The following SLC44A1 variants were observed in gnomAD, a reference collection of about 807,000 sequenced individuals.
The protein encoded by SLC44A1 is solute carrier family 44 member 1.
Under a neutral mutation model 79.3 loss-of-function variants are expected in SLC44A1, and 26 were observed. The ratio of observed to expected loss-of-function variants is 0.33; its 90% CI spans 0.24 to 0.46. The LOEUF (loss-of-function observed/expected upper bound fraction) is 0.46. Among genes scored for constraint, SLC44A1 ranks in the 20% least tolerant of loss-of-function variants. The pLI is 1.00. For missense variants in SLC44A1, 688 were observed against 798.1 expected (o/e 0.86, Z 1.66); for synonymous variants, 263 against 286.2 (o/e 0.92, Z 0.82).
chr9:105,392,235 T>C lies in SLC44A1; in HGVS notation c.*3179T>C. ...ATGTTTAGGATTAAAGTTTTTATTT[T>C]ATCCTATAAGATAATTAAGTCCTAA... On this transcript the variant is annotated 3_prime_UTR_variant, in exon 16 of 16. Transcript: ENST00000374720. The C allele has an allele frequency of 3.0e-6, 3 of 983,818 alleles. No homozygotes were observed. In the South Asian group the frequency reaches 1.4e-4, roughly 46 times the overall value. 60.9% of individuals were successfully genotyped at this position (983,818 alleles called of 1,614,324 possible).
chr9:105,432,121 C>T (rs1194207010), intron 15 of SLC44A1, among the ~76,000 whole-genome samples: 3 of 152,162 alleles, frequency 2.0e-5, no homozygotes, highest in African/African-American at 7.2e-5. Context: ...GGAGTTTCAC[C>T]ATTTTGGCCA....
At chr9:105,376,172 T>C (rs1828276361) in intron 13 of SLC44A1, among the ~76,000 whole-genome samples, 1 of 152,156 alleles carries the variant, frequency 6.6e-6, no homozygotes, top group African/African-American at 2.4e-5. Context: ...ATATATAGCA[T>C]TGTGTGTGAT....
chr9:105,398,189 C>T (rs1329917999), downstream of SLC44A1, among the ~76,000 whole-genome samples: 2 of 152,178 alleles, frequency 1.3e-5, no homozygotes, highest in African/African-American at 4.8e-5. Flanking sequence ...ATGTTAGGGA[C>T]GAAGGAAGGG....
At chr9:105,284,154 C>T (rs1830422004) in intron 1 of SLC44A1, among the ~76,000 whole-genome samples, 1 of 152,196 alleles carries the variant, frequency 6.6e-6, no homozygotes, top group Non-Finnish European at 1.5e-5. Flanking sequence ...AATCCTGGCA[C>T]CTAATAGGTG....
chr9:105,256,296 G>A (rs550177546), intron 1 of SLC44A1, among the ~76,000 whole-genome samples: 1 of 152,230 alleles, frequency 6.6e-6, no homozygotes, highest in African/African-American at 2.4e-5. Context: ...ACAGGCATGA[G>A]CCACCACACC....
Position 105,395,670 on chromosome 9 carries a change from T to C in SLC44A1, c.*6614T>C. The C allele has an allele frequency of 1.0e-6, 1 of 985,440 alleles. No individual in the cohort carries two copies. The highest frequency in any genetic ancestry group is 1.2e-6 in the Non-Finnish European group (1 of 829,936). The allele number at this position is 985,440 out of a possible 1,614,324, so 61.0% of individuals were successfully genotyped here. A position where few individuals can be genotyped will look rare whatever the true frequency, so the allele number is the denominator to read the frequency against. ...GAAGTGTAAGACTTAAAGGGAATATTCTGACCTTCGTGTATGAATCTGATC... is the reference window on the plus strand; with the variant it reads ...GAAGTGTAAGACTTAAAGGGAATATCCTGACCTTCGTGTATGAATCTGATC... On this transcript the variant is annotated 3_prime_UTR_variant, in exon 16 of 16. Coordinates refer to ENST00000374720, the MANE Select transcript of SLC44A1 (RefSeq NM_080546.5).
rs1462978026 is a variant in SLC44A1, at chr9:105,390,794, C to T, written c.*1738C>T. On this transcript the variant is annotated 3_prime_UTR_variant, in exon 16 of 16. Coordinates refer to ENST00000374720, the MANE Select transcript of SLC44A1 (RefSeq NM_080546.5). ...CTGGATTTTAAAAAACACATGCATA[C>T]ACACAATTAAGAGCTCATGTCTTAG... 22 of 985,136 alleles carry T rather than the reference C, an allele frequency of 2.2e-5. No homozygotes were observed. The highest frequency in any genetic ancestry group is 2.7e-5 in the Non-Finnish European group (22 of 829,636). The allele number at this position is 985,136 out of a possible 1,614,324, so 61.0% of individuals were successfully genotyped here. A position where few individuals can be genotyped will look rare whatever the true frequency, so the allele number is the denominator to read the frequency against.
intron 4 of SLC44A1, among the ~76,000 whole-genome samples, chr9:105,344,983 T>G (rs1827205564): frequency 6.6e-6 from 1 of 152,182 alleles, no homozygotes; most frequent in Non-Finnish European, 1.5e-5. Flanking sequence ...TGTGAAAGCC[T>G]GGAAGCTTGT....
intron 15 of SLC44A1, among the ~76,000 whole-genome samples, chr9:105,403,293 G>A (rs1828982044): frequency 6.6e-6 from 1 of 151,906 alleles, no homozygotes; most frequent in South Asian, 2.1e-4. Context: ...TTTATTCTCT[G>A]GTAGAAGAAG....
At chr9:105,367,894 A>G (rs1827987879) in intron 12 of SLC44A1, among the ~76,000 whole-genome samples, 2 of 152,200 alleles carry the variant, frequency 1.3e-5, no homozygotes, top group South Asian at 2.1e-4. Flanking sequence ...TAGCTCCTTT[A>G]AAGTTCTTCT....
chr9:105,422,592 T>C (rs1829268775), intron 15 of SLC44A1, among the ~76,000 whole-genome samples: 1 of 152,046 alleles, frequency 6.6e-6, no homozygotes, highest in African/African-American at 2.4e-5. Context: ...AGCCCCATCC[T>C]TTATCAGCGG....
rs1828775102 is a variant in SLC44A1, at chr9:105,392,126, A to G, written c.*3070A>G. The G allele has an allele frequency of 3.0e-6, 3 of 985,452 alleles. No individual in the cohort carries two copies. The highest frequency in any genetic ancestry group is 3.5e-5 in the African/African-American group (2 of 57,372). The allele number at this position is 985,452 out of a possible 1,614,324, so 61.0% of individuals were successfully genotyped here. On this transcript the variant is annotated 3_prime_UTR_variant, in exon 16 of 16. Coordinates refer to ENST00000374720, the MANE Select transcript of SLC44A1 (RefSeq NM_080546.5). ...GTAATAAAACATTAGCAATTTAGCTAGAGCACTGAGATTGTATAATCCTTG... is the reference window on the plus strand; with the variant it reads ...GTAATAAAACATTAGCAATTTAGCTGGAGCACTGAGATTGTATAATCCTTG...
downstream of SLC44A1, among the ~76,000 whole-genome samples, chr9:105,397,956 A>C (rs1464481324): frequency 6.6e-6 from 1 of 151,796 alleles, no homozygotes; most frequent in Non-Finnish European, 1.5e-5. Context: ...TCAGAAAAAA[A>C]AAAAAAAGAA....
chr9:105,320,880 G>A (rs1195561269), intron 3 of SLC44A1, among the ~76,000 whole-genome samples: 2 of 152,116 alleles, frequency 1.3e-5, no homozygotes, highest in Non-Finnish European at 2.9e-5. Context: ...CCATCCATCT[G>A]TTTTCTTTTG....
Position 105,356,456 on chromosome 9 carries a change from G to A in SLC44A1, c.670+75G>A, listed in dbSNP as rs187773837. 11 of 942,322 alleles carry A rather than the reference G, an allele frequency of 1.2e-5. No homozygotes were observed. The East Asian group carries it at 2.5e-4, about 21-fold the overall frequency. 58.4% of individuals were successfully genotyped at this position (942,322 alleles called of 1,614,324 possible). A position where few individuals can be genotyped will look rare whatever the true frequency, so the allele number is the denominator to read the frequency against. Reference sequence around the variant, plus strand: ...CTGTTTTGTCTTTTAGCCAAAATATGAATACAACTGGGGATACTTGTAAAA... The same window carrying A: ...CTGTTTTGTCTTTTAGCCAAAATATAAATACAACTGGGGATACTTGTAAAA... On this transcript the variant is annotated intron_variant, in intron 6 of 15. Transcript: ENST00000374720.
At position 105,392,567 on chromosome 9, in the gene SLC44A1, A is replaced by G; in HGVS notation, c.*3511A>G. 1 of 985,210 alleles carries G rather than the reference A, an allele frequency of 1.0e-6. No individual in the cohort carries two copies. The highest frequency in any genetic ancestry group is 4.7e-5 in the South Asian group (1 of 21,266). The allele number at this position is 985,210 out of a possible 1,614,324, so 61.0% of individuals were successfully genotyped here. A position where few individuals can be genotyped will look rare whatever the true frequency, so the allele number is the denominator to read the frequency against. On this transcript the variant is annotated 3_prime_UTR_variant, in exon 16 of 16. Coordinates refer to ENST00000374720, the MANE Select transcript of SLC44A1 (RefSeq NM_080546.5). Reference sequence around the variant, plus strand: ...GGGGGTATGAGGCACTGACCCCTTTATTCTGGACCCAAACTGCTTTAGAGC... The same window carrying G: ...GGGGGTATGAGGCACTGACCCCTTTGTTCTGGACCCAAACTGCTTTAGAGC...
intron 15 of SLC44A1, among the ~76,000 whole-genome samples, chr9:105,418,479 G>A (rs1829204151): frequency 6.6e-6 from 1 of 152,186 alleles, no homozygotes; most frequent in African/African-American, 2.4e-5. Context: ...TCTGGAACAG[G>A]TTAATTAAAT....
At chr9:105,425,830 A>G (rs1223921515) in intron 15 of SLC44A1, among the ~76,000 whole-genome samples, 2 of 152,162 alleles carry the variant, frequency 1.3e-5, no homozygotes, top group Non-Finnish European at 2.9e-5. Flanking sequence ...CAAAAAACAA[A>G]CAAACAAACA....
chr9:105,263,295 G>C (rs376901651), intron 1 of SLC44A1, among the ~76,000 whole-genome samples: 3 of 152,166 alleles, frequency 2.0e-5, no homozygotes, highest in African/African-American at 7.2e-5. Context: ...CTGTGTCCAT[G>C]TAACTTCATT....
Sources: gnomAD v4.1 joint callset for allele counts (sites outside exome capture counted in the v4.1 genomes callset) on GRCh38, gnomAD v4.1.1 for gene constraint, MANE v1.5 for transcripts, NCBI Gene and HGNC (gene_info 2026-07-23, HGNC 2026-07-21) for gene names.